The following CPEB3 variants were observed in gnomAD, a reference collection of about 807,000 sequenced individuals.
The protein encoded by CPEB3 is cytoplasmic polyadenylation element binding protein 3.
In CPEB3, 20 loss-of-function variants were observed where a neutral mutation model predicts 67.2. That is an observed-to-expected ratio of 0.30 (90% CI 0.21 to 0.43). The LOEUF (loss-of-function observed/expected upper bound fraction) is 0.43, where lower values mean the gene tolerates loss of function less well. Among genes scored for constraint, CPEB3 ranks in the 20% least tolerant of loss-of-function variants. CPEB3 has a pLI of 1.00. For synonymous variants in CPEB3, 376 were observed against 393.1 expected (o/e 0.96, Z 0.51); for missense variants, 746 against 968.6 (o/e 0.77, Z 3.05).
chr10:92,196,540 G>T (rs756050963), intron 2 of CPEB3, among the ~76,000 whole-genome samples: 1 of 152,048 alleles, frequency 6.6e-6, no homozygotes, highest in South Asian at 2.1e-4. Context: ...AGGTCAAGGC[G>T]GGTGGATCAC....
At chr10:92,196,254 A>T (rs183516326) in intron 2 of CPEB3, among the ~76,000 whole-genome samples, 15 of 152,364 alleles carry the variant, frequency 9.8e-5, no homozygotes, top group Admixed American at 7.2e-4. Flanking sequence ...AAGTGAGGGC[A>T]GGGACTAGTG....
Position 92,048,777 on chromosome 10 carries a change from A to C in CPEB3, c.*3435T>G, listed in dbSNP as rs1472717174. 1 of 152,668 alleles carries C rather than the reference A, an allele frequency of 6.6e-6. No homozygotes were observed. The highest frequency in any genetic ancestry group is 2.4e-5 in the African/African-American group (1 of 41,466). 9.5% of individuals were successfully genotyped at this position (152,668 alleles called of 1,614,324 possible). Reference sequence around the variant, plus strand: ...ATACATAAAGCTTTGCATTTCAAAAAACTAGACACTTTAGTAACAATATTA... The same window carrying C: ...ATACATAAAGCTTTGCATTTCAAAACACTAGACACTTTAGTAACAATATTA... On this transcript the variant is annotated 3_prime_UTR_variant, in exon 10 of 10. Transcript: ENST00000265997. The surrounding 1 kb of genome is among the most constrained non-coding windows in gnomAD (Gnocchi z 4.1).
At chr10:92,235,466 C>A (rs956068835) in intron 2 of CPEB3, among the ~76,000 whole-genome samples, 1 of 151,960 alleles carries the variant, frequency 6.6e-6, no homozygotes, top group Non-Finnish European at 1.5e-5. Flanking sequence ...AATCAGTAAT[C>A]CGTATTATGA....
chr10:92,085,799 G>A (rs1178020786), intron 8 of CPEB3, among the ~76,000 whole-genome samples: 1 of 151,996 alleles, frequency 6.6e-6, no homozygotes, highest in Non-Finnish European at 1.5e-5. Context: ...TAGTAGAGAT[G>A]GGGTTTTGCC....
At chr10:92,095,601 T>TATATATATATATATATATA (rs1491405800) in intron 7 of CPEB3, among the ~76,000 whole-genome samples, 6 of 87,694 alleles carry the variant, frequency 6.8e-5, no homozygotes, top group African/African-American at 2.0e-4. Context: ...TATATATATA[T>TATATATATATATATATATA]TTTTTTTTTT....
intron 2 of CPEB3, among the ~76,000 whole-genome samples, chr10:92,227,443 TAAC>T (rs1412074505): frequency 6.6e-6 from 1 of 152,178 alleles, no homozygotes; most frequent in Non-Finnish European, 1.5e-5. Flanking sequence ...AAAAGAAACT[TAAC>T]AATGTAAATC....
chr10:92,054,406 G>T (rs1842035575), intron 9 of CPEB3, among the ~76,000 whole-genome samples: 1 of 151,922 alleles, frequency 6.6e-6, no homozygotes, highest in Non-Finnish European at 1.5e-5. Flanking sequence ...ATCATTTGCT[G>T]ATAGAAATAT....
At chr10:92,270,994 T>A (rs560202537) in intron 1 of CPEB3, among the ~76,000 whole-genome samples, 2 of 152,132 alleles carry the variant, frequency 1.3e-5, no homozygotes, top group Admixed American at 6.5e-5. Flanking sequence ...CTAGTCAACA[T>A]GGTGAAACCT....
intron 9 of CPEB3, among the ~76,000 whole-genome samples, chr10:92,075,658 T>C (rs1842906551): frequency 6.6e-6 from 1 of 152,120 alleles, no homozygotes; most frequent in African/African-American, 2.4e-5. Context: ...AAGTACCAAA[T>C]CTACAGGATA....
At chr10:92,080,625 G>A (rs1843111372) in intron 9 of CPEB3, among the ~76,000 whole-genome samples, 1 of 151,108 alleles carries the variant, frequency 6.6e-6, no homozygotes, top group East Asian at 1.9e-4. Context: ...ACGGAGCCTC[G>A]CTCTGTCGCC....
At chr10:92,238,894 A>G (rs1681242627) in intron 2 of CPEB3, among the ~76,000 whole-genome samples, 1 of 152,224 alleles carries the variant, frequency 6.6e-6, no homozygotes, top group Admixed American at 6.5e-5. Context: ...CTTTAAGAGT[A>G]AAGTCAGGGT....
chr10:92,276,312 CTT>C (rs1841986341), intron 1 of CPEB3, among the ~76,000 whole-genome samples: 1 of 109,110 alleles, frequency 9.2e-6, no homozygotes, highest in Non-Finnish European at 1.7e-5. Context: ...GAGTTTTGCT[CTT>C]GTTGCCCAGG....
chr10:92,256,209 TATA>T (rs1328221211), intron 1 of CPEB3, among the ~76,000 whole-genome samples: 1 of 151,968 alleles, frequency 6.6e-6, no homozygotes. Flanking sequence ...TCACAACCAG[TATA>T]ATACTGTACC....
rs1484053741 is a variant in CPEB3 at position 92,047,557 on chromosome 10, CT to C, written c.*4654del. ...CATTAGCCCATGCCTCACTAACAAG[CT>C]ATAAAACACAAGATATAGGCAGAAA... is the stretch of plus-strand genomic sequence containing the variant. On this transcript the variant is annotated 3_prime_UTR_variant, in exon 10 of 10. Coordinates refer to ENST00000265997, the MANE Select transcript of CPEB3 (RefSeq NM_014912.5). 1 of 152,206 alleles carries C rather than the reference CT, an allele frequency of 6.6e-6. No individual in the cohort carries two copies. The highest frequency in any genetic ancestry group is 1.9e-4 in the East Asian group (1 of 5,204). The allele number at this position is 152,206 out of a possible 1,614,324, so 9.4% of individuals were successfully genotyped here. A position where few individuals can be genotyped will look rare whatever the true frequency, so the allele number is the denominator to read the frequency against.
chr10:92,193,696 A>G (rs940742175), intron 2 of CPEB3, among the ~76,000 whole-genome samples: 2 of 151,980 alleles, frequency 1.3e-5, no homozygotes, highest in Admixed American at 1.3e-4. Context: ...TGCAAACGAT[A>G]AAGACCACAG....
At chr10:92,146,168 T>C (rs1334897946) in intron 4 of CPEB3, among the ~76,000 whole-genome samples, 1 of 152,144 alleles carries the variant, frequency 6.6e-6, no homozygotes, top group Non-Finnish European at 1.5e-5. Flanking sequence ...ATAAAGTTTG[T>C]AGAGCAAAAG....
chr10:92,182,978 C>A (rs1488193454), intron 3 of CPEB3, among the ~76,000 whole-genome samples: 1 of 152,020 alleles, frequency 6.6e-6, no homozygotes, highest in African/African-American at 2.4e-5. Context: ...TCTGATAAAA[C>A]TGTTCTAACT....
chr10:92,087,643 T>TG (rs1473925181), intron 8 of CPEB3, among the ~76,000 whole-genome samples: 4 of 152,276 alleles, frequency 2.6e-5, no homozygotes, highest in African/African-American at 9.6e-5. Flanking sequence ...GTTAATCAAC[T>TG]GGGGAAGAGT....
In CPEB3 at chr10:92,277,242, A is replaced by T. The variant is rs1037074723; in HGVS notation, c.-12+13684T>A. Among the ~76,000 whole-genome samples, 9 of 152,182 alleles carry T rather than the reference A, an allele frequency of 5.9e-5. No homozygotes were observed. The East Asian group carries it at 1.7e-3, about 29-fold the overall frequency. On this transcript the variant is annotated intron_variant, in intron 1 of 9. Transcript: ENST00000265997. ...TCCCTGGTCATGTAGATTTATGCCT[A>T]TGTTTACTTCTAAGAGTTATATAGT...
Sources: gnomAD v4.1 joint callset for allele counts (sites outside exome capture counted in the v4.1 genomes callset) on GRCh38, gnomAD v4.1.1 for gene constraint, Gnocchi (gnomAD v3.1) non-coding constraint, MANE v1.5 for transcripts, NCBI Gene and HGNC (gene_info 2026-07-23, HGNC 2026-07-21) for gene names.